The following CNTN4 variants were observed in gnomAD, a reference collection of about 807,000 sequenced individuals.
CNTN4 encodes contactin-4.
Under a neutral mutation model 122.5 loss-of-function variants are expected in CNTN4, and 77 were observed. The ratio of observed to expected loss-of-function variants is 0.63; its 90% CI spans 0.52 to 0.76. CNTN4 has a LOEUF of 0.76. Ranked by LOEUF, CNTN4 falls within the 30% of genes least tolerant of loss-of-function variation. The pLI, the probability that CNTN4 is intolerant of heterozygous loss-of-function variation, is 0.00. For missense variants in CNTN4, 1,256 were observed against 1,259.1 expected (o/e 1.00, Z 0.04); for synonymous variants, 512 against 447.0 (o/e 1.15, Z -1.83).
intron 13 of CNTN4, among the ~76,000 whole-genome samples, chr3:2,978,444 C>G (rs1693632655): frequency 1.3e-5 from 2 of 152,180 alleles, no homozygotes; most frequent in Non-Finnish European, 2.9e-5. Flanking sequence ...GCTAGAAAAC[C>G]CACCATCTGC....
intron 2 of CNTN4, among the ~76,000 whole-genome samples, chr3:2,216,329 A>G (rs569286931): frequency 4.6e-5 from 7 of 152,206 alleles, no homozygotes; most frequent in Non-Finnish European, 1.0e-4. Flanking sequence ...AGTGGGAGCT[A>G]AATGATGAGA....
At chr3:2,892,489 A>G (rs1221205930) in intron 10 of CNTN4, among the ~76,000 whole-genome samples, 1 of 152,210 alleles carries the variant, frequency 6.6e-6, no homozygotes, top group East Asian at 1.9e-4. Context: ...CACAAAGTAG[A>G]ATGAGAGCGC....
intron 2 of CNTN4, among the ~76,000 whole-genome samples, chr3:2,158,459 G>A (rs576815687): frequency 6.6e-6 from 1 of 152,300 alleles, no homozygotes; most frequent in East Asian, 1.9e-4. Context: ...GACACATTCA[G>A]CTGCTGCAAT....
At chr3:3,038,341 C>CG (rs1699809383) in intron 18 of CNTN4, among the ~76,000 whole-genome samples, 1 of 152,070 alleles carries the variant, frequency 6.6e-6, no homozygotes, top group Non-Finnish European at 1.5e-5. Context: ...CTCAGTGAGC[C>CG]GGGGGTCAAC....
chr3:2,106,477 C>T (rs2032452318), intron 2 of CNTN4, among the ~76,000 whole-genome samples: 1 of 152,230 alleles, frequency 6.6e-6, no homozygotes, highest in African/African-American at 2.4e-5. Flanking sequence ...AGGACGAACA[C>T]CATGTGGAAG....
chr3:2,340,875 A>G (rs1201316357), intron 3 of CNTN4, among the ~76,000 whole-genome samples: 4 of 151,738 alleles, frequency 2.6e-5, no homozygotes, highest in African/African-American at 4.8e-5. Context: ...TAACTTTATT[A>G]TTTCCTATGA....
intron 2 of CNTN4, among the ~76,000 whole-genome samples, chr3:2,229,951 G>A (rs950035489): frequency 2.0e-5 from 3 of 152,196 alleles, no homozygotes; most frequent in Admixed American, 2.0e-4. Flanking sequence ...GCATGAGAAT[G>A]TGAGGGAGTT....
At chr3:2,302,065 A>G (rs542179663) in intron 2 of CNTN4, among the ~76,000 whole-genome samples, 30 of 152,326 alleles carry the variant, frequency 2.0e-4, no homozygotes, top group South Asian at 1.9e-3. Flanking sequence ...AAACCCATTT[A>G]TATTTTTTTG....
intron 4 of CNTN4, among the ~76,000 whole-genome samples, chr3:2,647,956 T>C (rs2083201768): frequency 6.6e-6 from 1 of 152,250 alleles, no homozygotes; most frequent in African/African-American, 2.4e-5. Context: ...TCTTTCTGGA[T>C]TTGAAGATAA....
chr3:2,478,220 G>A (rs2075884387), intron 3 of CNTN4, among the ~76,000 whole-genome samples: 1 of 152,100 alleles, frequency 6.6e-6, no homozygotes, highest in Non-Finnish European at 1.5e-5. Context: ...TCTTATTTCA[G>A]AGTGTCGCAT....
intron 2 of CNTN4, among the ~76,000 whole-genome samples, chr3:2,133,487 A>G (rs1574906996): frequency 6.6e-6 from 1 of 152,204 alleles, no homozygotes; most frequent in African/African-American, 2.4e-5. Context: ...GCACATTCCA[A>G]TGTCAATCTG....
chr3:2,432,202 C>G (rs979414326), intron 3 of CNTN4, among the ~76,000 whole-genome samples: 7 of 152,190 alleles, frequency 4.6e-5, no homozygotes, highest in Admixed American at 4.6e-4. Context: ...ATTGCCCAAG[C>G]CATACCCAAA....
chr3:2,147,061 A>G (rs2035278037), intron 2 of CNTN4, among the ~76,000 whole-genome samples: 1 of 151,908 alleles, frequency 6.6e-6, no homozygotes, highest in Non-Finnish European at 1.5e-5. Context: ...TTGTATTTTT[A>G]GTAGAGATGG....
rs567285113 is a variant in CNTN4 at position 3,056,845 on chromosome 3, G to C, written c.*625G>C. 1 of 152,772 alleles carries C rather than the reference G, an allele frequency of 6.5e-6. No homozygotes were observed. The highest frequency in any genetic ancestry group is 2.1e-4 in the South Asian group (1 of 4,830). The allele number at this position is 152,772 out of a possible 1,614,324, so 9.5% of individuals were successfully genotyped here. On this transcript the variant is annotated 3_prime_UTR_variant, in exon 25 of 25. Coordinates refer to ENST00000418658, the MANE Select transcript of CNTN4 (RefSeq NM_175607.3). The stretch of plus-strand genomic sequence containing the variant: ...ATGTTTTCATGCCGTTGTGAATTTT[G>C]TTGTTCAACCCAACTTGAGATGGTT...
intron 4 of CNTN4, among the ~76,000 whole-genome samples, chr3:2,672,850 A>G (rs1048117087): frequency 5.9e-5 from 9 of 152,226 alleles, no homozygotes; most frequent in African/African-American, 2.2e-4. Context: ...GAAATTTTCT[A>G]TGAACCATCC....
intron 2 of CNTN4, among the ~76,000 whole-genome samples, chr3:2,115,186 C>G (rs756186720): frequency 6.6e-6 from 1 of 152,158 alleles, no homozygotes; most frequent in Non-Finnish European, 1.5e-5. Context: ...TCTCCTCATA[C>G]GTAGAATCTT....
intron 3 of CNTN4, among the ~76,000 whole-genome samples, chr3:2,460,051 A>G (rs528967806): frequency 6.6e-6 from 1 of 152,102 alleles, no homozygotes; most frequent in African/African-American, 2.4e-5. Context: ...CTGGCCATCT[A>G]TCTCTGGGCT....
At chr3:2,913,760 G>C (rs748942747) in intron 12 of CNTN4, among the ~76,000 whole-genome samples, 1 of 152,120 alleles carries the variant, frequency 6.6e-6, no homozygotes, top group Non-Finnish European at 1.5e-5. Flanking sequence ...TCAGACAAAA[G>C]ACAAATAAGG....
At chr3:2,296,427 C>G (rs780732062) in intron 2 of CNTN4, among the ~76,000 whole-genome samples, 24 of 151,950 alleles carry the variant, frequency 1.6e-4, no homozygotes, top group Admixed American at 3.9e-4. Flanking sequence ...GTATTTTATT[C>G]TCTTTGAAGC....
Sources: gnomAD v4.1 joint callset for allele counts (sites outside exome capture counted in the v4.1 genomes callset) on GRCh38, gnomAD v4.1.1 for gene constraint, MANE v1.5 for transcripts, NCBI Gene and HGNC (gene_info 2026-07-23, HGNC 2026-07-21) for gene names.